HSD17B12: variants seen among roughly 807,000 people sequenced by gnomAD.
The protein encoded by HSD17B12 is very-long-chain 3-oxoacyl-CoA reductase.
In HSD17B12, 32 loss-of-function variants were observed where a neutral mutation model predicts 39.3. That is an observed-to-expected ratio of 0.81 (90% CI 0.61 to 1.09). The LOEUF is 1.09. Among genes scored for constraint, HSD17B12 ranks in the 50% least tolerant of loss-of-function variants. The pLI, the probability that HSD17B12 is intolerant of heterozygous loss-of-function variation, is 0.00. For missense variants in HSD17B12, 342 were observed against 382.9 expected (o/e 0.89, Z 0.89); for synonymous variants, 150 against 146.7 (o/e 1.02, Z -0.16).
chr11:43,721,827 A>G (rs1454491293), intron 1 of HSD17B12, among the ~76,000 whole-genome samples: 1 of 152,186 alleles, frequency 6.6e-6, no homozygotes, highest in African/African-American at 2.4e-5. Flanking sequence ...AAGTCATTGA[A>G]GGAATTGAAC....
the HSD17B12 span, among the ~76,000 whole-genome samples, chr11:43,619,181 A>AT: frequency 1.5e-4 from 11 of 74,948 alleles, no homozygotes; most frequent in Admixed American, 5.3e-4. Flanking sequence ...ATATATATAT[A>AT]AAATATATAT....
the HSD17B12 span, among the ~76,000 whole-genome samples, chr11:43,619,217 T>A: frequency 4.6e-4 from 22 of 47,786 alleles, no homozygotes; most frequent in African/African-American, 2.0e-3. Context: ...ATATATAAAA[T>A]ATATATATAT....
intron 4 of HSD17B12, among the ~76,000 whole-genome samples, chr11:43,800,683 G>A (rs1003101933): frequency 1.3e-5 from 2 of 152,080 alleles, no homozygotes; most frequent in African/African-American, 2.4e-5. Context: ...ACTGATATTT[G>A]GACATAAGGA....
At chr11:43,759,758 T>TA (rs1950540560) in intron 3 of HSD17B12, among the ~76,000 whole-genome samples, 1 of 152,072 alleles carries the variant, frequency 6.6e-6, no homozygotes, top group African/African-American at 2.4e-5. Flanking sequence ...GACAGAGTCT[T>TA]ACTTTGTCAC....
chr11:43,854,328 G>A, intron 9 of HSD17B12: 1 of 163,206 alleles, frequency 6.1e-6, no homozygotes, highest in South Asian at 1.9e-4. Context: ...CCCATTAGAA[G>A]AATAAAGTAT....
intron 3 of HSD17B12, chr11:43,755,471 G>A (rs181733512): frequency 6.6e-6 from 1 of 152,224 alleles, no homozygotes; most frequent in Non-Finnish European, 1.5e-5. Flanking sequence ...CTACACAGAG[G>A]ATTGGTGAAT....
Position 43,734,118 on chromosome 11 carries a change from A to G in HSD17B12, c.161-16793A>G, listed in dbSNP as rs865891147. On this transcript the variant is annotated intron_variant, in intron 1 of 10. Coordinates refer to ENST00000278353, the MANE Select transcript of HSD17B12 (RefSeq NM_016142.3). Reference sequence around the variant, plus strand: ...CTATGATGAGCGTGTGCTGCCGTCCATCACTACCAAATCAAGTCAGTGGTG... The same window carrying G: ...CTATGATGAGCGTGTGCTGCCGTCCGTCACTACCAAATCAAGTCAGTGGTG... 3.3e-5 allele frequency: 43 copies of G among 1,309,632 alleles called. No individual in the cohort carries two copies. In the South Asian group the frequency reaches 4.4e-4, roughly 13 times the overall value. The allele number at this position is 1,309,632 out of a possible 1,614,324, so 81.1% of individuals were successfully genotyped here.
At chr11:43,817,104 A>G (rs2863026) in intron 6 of HSD17B12, among the ~76,000 whole-genome samples, 96,742 of 147,914 alleles carry the variant, frequency 0.65, 32,028 homozygotes, top group East Asian at 0.76. Context: ...GTGATGCTGA[A>G]CATTTTTTCA....
chr11:43,567,387 A>G, the HSD17B12 span, among the ~76,000 whole-genome samples: 1 of 152,162 alleles, frequency 6.6e-6, no homozygotes, highest in Admixed American at 6.5e-5. Flanking sequence ...GGGACTCAAG[A>G]TGTCTCTAAA....
the HSD17B12 span, among the ~76,000 whole-genome samples, chr11:43,612,235 A>C: frequency 6.6e-6 from 1 of 152,230 alleles, no homozygotes; most frequent in Non-Finnish European, 1.5e-5. Flanking sequence ...TAAAACTAAT[A>C]GTTATTATTC....
chr11:43,743,711 T>C (rs1320052813), intron 1 of HSD17B12, among the ~76,000 whole-genome samples: 2 of 152,208 alleles, frequency 1.3e-5, no homozygotes, highest in Non-Finnish European at 2.9e-5. Context: ...TACTGACTTT[T>C]GTGGATTCCC....
chr11:43,679,062 C>T (rs1198831662), upstream of HSD17B12, among the ~76,000 whole-genome samples: 4 of 152,294 alleles, frequency 2.6e-5, no homozygotes, highest in East Asian at 5.8e-4. Flanking sequence ...TCTTCCTATC[C>T]ATGAGCATGG....
intron 4 of HSD17B12, among the ~76,000 whole-genome samples, chr11:43,802,783 T>C (rs913895673): frequency 5.3e-5 from 8 of 152,202 alleles, no homozygotes; most frequent in African/African-American, 1.9e-4. Flanking sequence ...CAAAGAATGA[T>C]CCATCCAAAA....
At chr11:43,590,506 A>ATTTT in the HSD17B12 span, among the ~76,000 whole-genome samples, 361 of 51,588 alleles carry the variant, frequency 7.0e-3, 77 homozygotes, top group African/African-American at 8.8e-3. Flanking sequence ...GGAGTGAGTG[A>ATTTT]TTTTTTTTTT....
At chr11:43,581,972 C>T in the HSD17B12 span, among the ~76,000 whole-genome samples, 13 of 152,114 alleles carry the variant, frequency 8.5e-5, no homozygotes, top group East Asian at 1.2e-3. This position sits in a 1 kb window ranked among gnomAD's most constrained non-coding sequence, Gnocchi z 4.9. Flanking sequence ...GGCTGGAGGC[C>T]CTTAGTATCT....
In HSD17B12 at chr11:43,722,982, G is replaced by T. The variant is rs144775801; in HGVS notation, c.161-27929G>T. Among the ~76,000 whole-genome samples, 723 of 152,252 alleles carry T rather than the reference G, an allele frequency of 4.7e-3. 6 individuals carry two copies. Among genetic ancestry groups the T allele is most frequent in the African/African-American group, 0.016 (684 of 41,544 alleles). The stretch of plus-strand genomic sequence containing the variant: ...TTGCTGTGCCGTGAATAGACTAGTG[G>T]CCACAGGTGGAAGCAGAATGGTCAT... On this transcript the variant is annotated intron_variant, in intron 1 of 10. Transcript: ENST00000278353.
chr11:43,602,715 G>A, the HSD17B12 span, among the ~76,000 whole-genome samples: 29 of 152,184 alleles, frequency 1.9e-4, no homozygotes, highest in African/African-American at 7.0e-4. Flanking sequence ...AATAGCTCTA[G>A]GCTATTTGAA....
upstream of HSD17B12, among the ~76,000 whole-genome samples, chr11:43,679,788 G>A (rs992835369): frequency 1.3e-5 from 2 of 152,010 alleles, no homozygotes; most frequent in African/African-American, 4.8e-5. Context: ...TATTTGCCTT[G>A]AACCCCAAAT....
At chr11:43,854,399 C>G in intron 9 of HSD17B12, 2 of 230,760 alleles carry the variant, frequency 8.7e-6, no homozygotes. Context: ...TGAAAAGTAT[C>G]CTATCCTGAA....
Sources: gnomAD v4.1 joint callset for allele counts (sites outside exome capture counted in the v4.1 genomes callset) on GRCh38, gnomAD v4.1.1 for gene constraint, Gnocchi (gnomAD v3.1) non-coding constraint, MANE v1.5 for transcripts, NCBI Gene and HGNC (gene_info 2026-07-23, HGNC 2026-07-21) for gene names.